The following PRTG variants were observed in gnomAD, a reference collection of about 807,000 sequenced individuals.
PRTG encodes the protein immunoglobulin superfamily, DCC subclass, member 5.
In PRTG, 67 loss-of-function variants were observed where a neutral mutation model predicts 122.5. The observed-to-expected ratio is 0.55, with a 90% CI of 0.45 to 0.67. The LOEUF is 0.67. Among genes scored for constraint, PRTG ranks in the 30% least tolerant of loss-of-function variants. The pLI is 0.00. For missense variants in PRTG, 1,435 were observed against 1,415.4 expected (o/e 1.01, Z -0.22); for synonymous variants, 554 against 501.1 (o/e 1.11, Z -1.41).
rs933285692 is a variant in PRTG, at chr15:55,691,552, A to G, written c.398-7621T>C. Among the ~76,000 whole-genome samples the G allele has an allele frequency of 3.4e-5, 5 of 147,714 alleles. No individual in the cohort carries two copies. The East Asian group carries it at 8.5e-4, about 25-fold the overall frequency. On this transcript the variant is annotated intron_variant, in intron 2 of 19. Coordinates refer to ENST00000389286, the MANE Select transcript of PRTG (RefSeq NM_173814.6). ...AAAAATTAGCCGGGCATGGTGGCGT[A>G]CGCCTGTAGTCCCAGCTACTCAGGA...
chr15:55,662,991 T>C (rs1032618719), intron 11 of PRTG, among the ~76,000 whole-genome samples: 6 of 152,154 alleles, frequency 3.9e-5, no homozygotes, highest in Non-Finnish European at 8.8e-5. Context: ...TCCAACCCAA[T>C]ATGATAAAAA....
intron 11 of PRTG, among the ~76,000 whole-genome samples, chr15:55,644,747 C>T (rs886248837): frequency 6.6e-6 from 1 of 151,976 alleles, no homozygotes; most frequent in Admixed American, 6.6e-5. Flanking sequence ...GTACAAGATC[C>T]TTTCTATCCA....
intron 11 of PRTG, among the ~76,000 whole-genome samples, chr15:55,651,473 A>AAGCTTCTAT: frequency 6.6e-6 from 1 of 152,316 alleles, no homozygotes; most frequent in African/African-American, 2.4e-5. Context: ...GCTGAGTAGG[A>AAGCTTCTAT]AGCTTCTATA....
chr15:55,721,351 T>C (rs1450305577), intron 2 of PRTG, among the ~76,000 whole-genome samples: 1 of 152,182 alleles, frequency 6.6e-6, no homozygotes, highest in African/African-American at 2.4e-5. Flanking sequence ...AGCCAATCCC[T>C]TGCAGTTAAT....
intron 2 of PRTG, among the ~76,000 whole-genome samples, chr15:55,734,625 G>A (rs907552578): frequency 1.3e-5 from 2 of 151,072 alleles, no homozygotes; most frequent in African/African-American, 2.4e-5. Context: ...TTATAAACAC[G>A]AAAAAAGGGC....
rs2031568918 is a variant in PRTG, at chr15:55,740,363, T to A, written c.397+19A>T. 10 of 1,559,604 alleles carry A rather than the reference T, an allele frequency of 6.4e-6. No individual in the cohort carries two copies. Among genetic ancestry groups the A allele is most frequent in the Non-Finnish European group, 8.7e-6 (10 of 1,155,262 alleles). On this transcript the variant is annotated intron_variant, in intron 2 of 19. Transcript: ENST00000389286. ...TGTAGCAATGAAAAATGTCAACAAC[T>A]AAAAACTTAAACACTTACTTGATAA...
intron 2 of PRTG, among the ~76,000 whole-genome samples, chr15:55,728,615 G>A (rs2031122743): frequency 6.6e-6 from 1 of 151,952 alleles, no homozygotes; most frequent in Non-Finnish European, 1.5e-5. Context: ...CATGATAAAG[G>A]GCATTTATTT....
At position 55,623,673 on chromosome 15, in the gene PRTG, G is replaced by A. The variant is rs576457199; in HGVS notation, c.3093+669C>T. 4.6e-5 allele frequency among the ~76,000 whole-genome samples: 7 copies of A among 152,286 alleles called. No homozygotes were observed. The South Asian group carries it at 1.5e-3, about 32-fold the overall frequency. On this transcript the variant is annotated intron_variant, in intron 18 of 19. Coordinates refer to ENST00000389286, the MANE Select transcript of PRTG (RefSeq NM_173814.6). ...GCTGACAACTGATTTATAGCACATT[G>A]GTTGTGGGAGCTATTCCAATAACGT...
At chr15:55,640,978 T>G in intron 12 of PRTG, 135 bp downstream of exon 12, 1 of 540,146 alleles carries the variant, frequency 1.9e-6, no homozygotes. Context: ...ACAAAAAAAC[T>G]ACGCTATACA....
intron 2 of PRTG, among the ~76,000 whole-genome samples, chr15:55,723,724 GA>G (rs1344178531): frequency 6.7e-6 from 1 of 149,060 alleles, no homozygotes. Context: ...TCCTCAAAAA[GA>G]TTAATAGCCA....
intron 11 of PRTG, among the ~76,000 whole-genome samples, chr15:55,646,325 CTCT>C (rs112218597): frequency 0.029 from 4,229 of 143,710 alleles, 215 homozygotes; most frequent in African/African-American, 0.1. Context: ...CTCCTCAATT[CTCT>C]TTTTTTTTTT....
chr15:55,684,693 G>A, intron 2 of PRTG, among the ~76,000 whole-genome samples: 1 of 23,334 alleles, frequency 4.3e-5, no homozygotes, highest in African/African-American at 7.1e-5. Flanking sequence ...TACAGAACTG[G>A]GTGGTGGCAG....
chr15:55,661,765 A>T (rs1299939097), intron 11 of PRTG, among the ~76,000 whole-genome samples: 1 of 152,122 alleles, frequency 6.6e-6, no homozygotes, highest in African/African-American at 2.4e-5. Flanking sequence ...CCCCACCACC[A>T]TTGTCTGCTA....
Position 55,682,357 on chromosome 15 carries a change from G to C in PRTG, c.676+7C>G, listed in dbSNP as rs74017548. On this transcript the variant is annotated splice_region_variant and intron_variant, in intron 4 of 19. Transcript: ENST00000389286. ...CATAAAAATGGAAAAACCACTCTGCGTGGTACCTGGAATCACAGTTAGCGA... is the reference window on the plus strand; with the variant it reads ...CATAAAAATGGAAAAACCACTCTGCCTGGTACCTGGAATCACAGTTAGCGA... 1 of 1,585,074 alleles carries C rather than the reference G, an allele frequency of 6.3e-7. No individual in the cohort carries two copies. Among genetic ancestry groups the C allele is most frequent in the Non-Finnish European group, 8.6e-7 (1 of 1,163,836 alleles).
chr15:55,676,672 C>T (rs2059504721), intron 8 of PRTG, among the ~76,000 whole-genome samples: 1 of 152,142 alleles, frequency 6.6e-6, no homozygotes, highest in African/African-American at 2.4e-5. Context: ...TCCTTGAGTT[C>T]GAATTAAAAA....
chr15:55,642,897 C>G (rs1426160585), intron 11 of PRTG, among the ~76,000 whole-genome samples: 6 of 151,884 alleles, frequency 4.0e-5, no homozygotes, highest in Admixed American at 3.9e-4. Flanking sequence ...ATAGCAAGAT[C>G]GCATCTCTAT....
chr15:55,718,325 C>A (rs1199403226), intron 2 of PRTG, among the ~76,000 whole-genome samples: 5 of 152,106 alleles, frequency 3.3e-5, no homozygotes, highest in African/African-American at 1.2e-4. Flanking sequence ...TTTTACACAT[C>A]CGTCCCTCCC....
intron 11 of PRTG, among the ~76,000 whole-genome samples, chr15:55,661,105 CA>C (rs1337330493): frequency 6.6e-6 from 1 of 151,064 alleles, no homozygotes. Flanking sequence ...TTTCTTCAAA[CA>C]AAAAAAAGGT....
At chr15:55,718,445 A>C (rs1239224654) in intron 2 of PRTG, among the ~76,000 whole-genome samples, 2 of 151,358 alleles carry the variant, frequency 1.3e-5, no homozygotes. Context: ...TTCCTTTTCT[A>C]CACCTTGTGA....
Sources: allele counts gnomAD v4.1 joint callset (sites outside exome capture counted in the v4.1 genomes callset), GRCh38; gene constraint gnomAD v4.1.1; transcripts MANE v1.5; gene names NCBI Gene and HGNC (gene_info 2026-07-23, HGNC 2026-07-21).